Variants in TOR1AIP1 observed in about 807,000 individuals in gnomAD.
The protein encoded by TOR1AIP1 is torsin 1A interacting protein 1, also known as torsin-1A-interacting protein 1.
A neutral mutation model predicts 63.3 loss-of-function variants in TOR1AIP1; 54 were observed. The observed-to-expected ratio is 0.85, with a 90% confidence interval of 0.69 to 1.07. The LOEUF (loss-of-function observed/expected upper bound fraction) is 1.07, where lower values mean the gene tolerates loss of function less well. Among genes scored for constraint, TOR1AIP1 ranks in the 50% least tolerant of loss-of-function variants. TOR1AIP1 has a pLI of 0.00. For synonymous variants in TOR1AIP1, 294 were observed against 273.5 expected (o/e 1.07, Z -0.74); for missense variants, 736 against 715.0 (o/e 1.03, Z -0.33).
At chr1:179,893,334 G>T (rs192794520) in intron 3 of TOR1AIP1, among the ~76,000 whole-genome samples, 171 of 152,134 alleles carry the variant, frequency 1.1e-3, no homozygotes, top group African/African-American at 4.1e-3. Context: ...TTTATGAAAT[G>T]GCCATTCGTG....
At chr1:179,911,995 CTTTTTTCTTTTTTTTCTTTT>C (rs1648853280) in intron 8 of TOR1AIP1, among the ~76,000 whole-genome samples, 2 of 97,768 alleles carry the variant, frequency 2.0e-5, no homozygotes, top group East Asian at 3.0e-4. Flanking sequence ...TTTTTTTTTT[CTTTTTTCTTTTTTTTCTTTT>C]TTTTTTCTTT....
chr1:179,913,719 G>A, intron 8 of TOR1AIP1: 3 of 699,448 alleles, frequency 4.3e-6, no homozygotes, highest in Non-Finnish European at 7.8e-6. Flanking sequence ...GATACTTAAT[G>A]GGTCAAATAC....
intron 8 of TOR1AIP1, among the ~76,000 whole-genome samples, chr1:179,909,037 G>A (rs540038259): frequency 3.6e-4 from 55 of 152,176 alleles, no homozygotes; most frequent in African/African-American, 1.3e-3. Context: ...GCTGGGCGTG[G>A]CGGCGGGAGG....
intron 3 of TOR1AIP1, among the ~76,000 whole-genome samples, chr1:179,897,833 C>T (rs967630657): frequency 3.3e-5 from 5 of 152,184 alleles, no homozygotes; most frequent in African/African-American, 7.2e-5. Context: ...TGCAGTGGCT[C>T]ATACCTGTAA....
chr1:179,904,190 GTTA>G (rs1174655477), intron 6 of TOR1AIP1, among the ~76,000 whole-genome samples, 168 bp downstream of exon 6: 1 of 152,110 alleles, frequency 6.6e-6, no homozygotes, highest in Admixed American at 6.6e-5. Flanking sequence ...TGCTTATTGA[GTTA>G]TTATTCTCTA....
Position 179,917,465 on chromosome 1 carries a change from A to G in TOR1AIP1, c.978A>G (p.Gln326=). 6.2e-7 allele frequency: 1 copy of G among 1,611,958 alleles called. No homozygotes were observed. The highest frequency in any genetic ancestry group is 8.5e-7 in the Non-Finnish European group (1 of 1,179,634). The change falls in exon 10 of 10, where the codon CAA becomes CAG. Residue 326 remains glutamine (Q), a synonymous_variant. Transcript: ENST00000606911. The stretch of plus-strand genomic sequence containing the variant: ...TTGTCTGAGTAGAAGTGACTGGACA[A>G]CCCCAAAATGCATCTTTTGTCAAGA... ...PSTSSRQVTG[Q]PQNASFVKRN...
rs1647757882 is a variant in TOR1AIP1, at chr1:179,882,737, TC to T, written c.239del (p.Pro80ArgfsTer8). 1 of 1,613,230 alleles carries T rather than the reference TC, an allele frequency of 6.2e-7. No individual in the cohort carries two copies. The highest frequency in any genetic ancestry group is 1.3e-5 in the African/African-American group (1 of 74,602). Reference sequence around the variant, plus strand: ...CGAGCCCCTGGTGGCCAAAGAAAGGTCCCCGGTGGGAAAACGAACCCGGCTA... The same window carrying T: ...CGAGCCCCTGGTGGCCAAAGAAAGGTCCCGGTGGGAAAACGAACCCGGCTA... The part of the protein sequence containing the change: ...DFEPLVAKER[S>X]PVGKRTRLEE... On this transcript the variant is annotated frameshift_variant, in exon 1 of 10. Transcript: ENST00000606911. LOFTEE classifies it high-confidence loss of function.
chr1:179,884,852 A>G, intron 2 of TOR1AIP1, 83 bp downstream of exon 2: 1 of 1,129,870 alleles, frequency 8.9e-7, no homozygotes, highest in South Asian at 1.5e-5. Context: ...AAGTATGTGT[A>G]AAGAAAAGAC....
At chr1:179,900,738 C>T (rs1446186392) in intron 4 of TOR1AIP1, among the ~76,000 whole-genome samples, 1 of 152,076 alleles carries the variant, frequency 6.6e-6, no homozygotes, top group African/African-American at 2.4e-5. Flanking sequence ...TCATTTTAAG[C>T]AAAGATAATA....
chr1:179,887,314 G>A lies in TOR1AIP1; in HGVS notation c.554-1999G>A, dbSNP rs546510172. On this transcript the variant is annotated intron_variant, in intron 2 of 9. Coordinates refer to ENST00000606911, the MANE Select transcript of TOR1AIP1 (RefSeq NM_015602.4). ...CTCGGGAGGCTGAGGCAGGAGAATCGCTTGAACGCGGGAGGCGGAGGTTGC... is the reference window on the plus strand; with the variant it reads ...CTCGGGAGGCTGAGGCAGGAGAATCACTTGAACGCGGGAGGCGGAGGTTGC... Among the ~76,000 whole-genome samples the A allele has an allele frequency of 1.1e-4, 16 of 152,208 alleles. No individual in the cohort carries two copies. In the South Asian group the frequency reaches 2.5e-3, roughly 24 times the overall value.
chr1:179,905,209 T>C (rs1648590121), intron 6 of TOR1AIP1, among the ~76,000 whole-genome samples: 1 of 152,020 alleles, frequency 6.6e-6, no homozygotes, highest in Non-Finnish European at 1.5e-5. Flanking sequence ...ACCCCGTCTC[T>C]ACTAAAAATA....
At chr1:179,889,491 A>C in intron 3 of TOR1AIP1, 122 bp downstream of exon 3, 1 of 709,650 alleles carries the variant, frequency 1.4e-6, no homozygotes, top group Non-Finnish European at 2.2e-6. Flanking sequence ...ACATTAAAAA[A>C]TCTCCCTGTC....
intron 1 of TOR1AIP1, among the ~76,000 whole-genome samples, chr1:179,884,305 A>G (rs1189719457): frequency 1.3e-5 from 2 of 152,220 alleles, no homozygotes; most frequent in African/African-American, 2.4e-5. Context: ...AGCCTAGTGC[A>G]GTTATACAGG....
At chr1:179,892,389 C>T (rs1359665534) in intron 3 of TOR1AIP1, among the ~76,000 whole-genome samples, 1 of 151,968 alleles carries the variant, frequency 6.6e-6, no homozygotes, top group Non-Finnish European at 1.5e-5. Context: ...AGGAGAATCA[C>T]TTATACCCAG....
rs765405746 is a variant in TOR1AIP1, at chr1:179,900,136, T to C, written c.621T>C (p.Ser207=). 43 of 1,605,516 alleles carry C rather than the reference T, an allele frequency of 2.7e-5. No homozygotes were observed. The highest frequency in any genetic ancestry group is 4.4e-4 in the Middle Eastern group (2 of 4,536). ...PLRYPRYEAT[S]VQQKVNFSEE... ...GCTTTTTTCTTCTAGAAGCCACCAGTGTCCAACAGAAGGTCAATTTCTCTG... is the reference window on the plus strand; with the variant it reads ...GCTTTTTTCTTCTAGAAGCCACCAGCGTCCAACAGAAGGTCAATTTCTCTG... The change falls in exon 4 of 10, where the codon AGT becomes AGC. Residue 207 remains serine (S), a synonymous_variant. Coordinates refer to ENST00000606911, the MANE Select transcript of TOR1AIP1 (RefSeq NM_015602.4).
intron 3 of TOR1AIP1, among the ~76,000 whole-genome samples, chr1:179,893,288 T>C (rs1164452066): frequency 1.3e-5 from 2 of 152,070 alleles, no homozygotes; most frequent in African/African-American, 4.8e-5. Flanking sequence ...GTGACATTTT[T>C]CAATTCCTTT....
At chr1:179,887,582 C>T (rs1407673535) in intron 2 of TOR1AIP1, among the ~76,000 whole-genome samples, 3 of 152,054 alleles carry the variant, frequency 2.0e-5, no homozygotes, top group South Asian at 4.1e-4. Context: ...TTAAAATAGC[C>T]GTTAGGTTGT....
intron 2 of TOR1AIP1, among the ~76,000 whole-genome samples, chr1:179,885,053 C>G (rs1020509201): frequency 2.0e-5 from 3 of 152,202 alleles, no homozygotes; most frequent in Admixed American, 2.0e-4. Flanking sequence ...ACTTTCCCCC[C>G]AAGTGCCTCA....
chr1:179,905,261 G>C (rs1339605280), intron 6 of TOR1AIP1, among the ~76,000 whole-genome samples: 2 of 152,218 alleles, frequency 1.3e-5, no homozygotes, highest in East Asian at 3.9e-4. Context: ...TGTAGTCCCA[G>C]CTACTCGGGA....
Sources: allele counts gnomAD v4.1 joint callset (sites outside exome capture counted in the v4.1 genomes callset), GRCh38; gene constraint gnomAD v4.1.1; transcripts MANE v1.5; gene names NCBI Gene and HGNC (gene_info 2026-07-23, HGNC 2026-07-21).